The following WASF2 variants were observed in gnomAD, a reference collection of about 807,000 sequenced individuals.
WASF2 encodes actin-binding protein WASF2.
A neutral mutation model predicts 45.0 loss-of-function variants in WASF2; 14 were observed. That is an observed-to-expected ratio of 0.31 (90% confidence interval 0.21 to 0.49). The LOEUF is 0.49. Among genes scored for constraint, WASF2 ranks in the 20% least tolerant of loss-of-function variants. WASF2 has a pLI of 0.99. For missense variants in WASF2, 439 were observed against 636.1 expected, an observed-to-expected ratio of 0.69 and a Z score of 3.33; for synonymous variants, 200 against 236.3, an observed-to-expected ratio of 0.85 and a Z score of 1.41.
chr1:27,479,503 T>C (rs1442455919), intron 1 of WASF2, among the ~76,000 whole-genome samples: 1 of 152,228 alleles, frequency 6.6e-6, no homozygotes, highest in Non-Finnish European at 1.5e-5. Context: ...TTTCAAATGT[T>C]CCATTATTTA....
chr1:27,484,352 C>A (rs2017894593), intron 1 of WASF2, among the ~76,000 whole-genome samples: 1 of 152,098 alleles, frequency 6.6e-6, no homozygotes, highest in African/African-American at 2.4e-5. Flanking sequence ...GGCTGGTAAA[C>A]AGAAGTTTCT....
intron 1 of WASF2, among the ~76,000 whole-genome samples, chr1:27,485,513 T>C (rs1255635475): frequency 6.6e-6 from 1 of 152,046 alleles, no homozygotes; most frequent in Non-Finnish European, 1.5e-5. Flanking sequence ...TTTCAGAGAC[T>C]AGTGAAGATA....
chr1:27,441,042 A>G (rs2017219137), intron 1 of WASF2, among the ~76,000 whole-genome samples: 1 of 151,636 alleles, frequency 6.6e-6, no homozygotes, highest in Non-Finnish European at 1.5e-5. Flanking sequence ...AATTTTTTGT[A>G]TTTTTGGTAG....
At chr1:27,477,767 C>T (rs1436435362) in intron 1 of WASF2, among the ~76,000 whole-genome samples, 1 of 127,370 alleles carries the variant, frequency 7.9e-6, no homozygotes, top group Non-Finnish European at 1.6e-5. Context: ...GGCGTAGTGG[C>T]GGGCGCCTGT....
At chr1:27,483,144 G>C (rs2017875127) in intron 1 of WASF2, among the ~76,000 whole-genome samples, 1 of 152,156 alleles carries the variant, frequency 6.6e-6, no homozygotes, top group Admixed American at 6.6e-5. Context: ...AGATCAGCCT[G>C]GCCAACATGG....
intron 1 of WASF2, among the ~76,000 whole-genome samples, chr1:27,433,099 T>C (rs1193219731): frequency 2.0e-5 from 3 of 152,186 alleles, no homozygotes; most frequent in Non-Finnish European, 4.4e-5. Flanking sequence ...CTTTTAACCA[T>C]AGACATATTA....
intron 1 of WASF2, among the ~76,000 whole-genome samples, chr1:27,438,286 G>T (rs1489854764): frequency 6.6e-6 from 1 of 152,180 alleles, no homozygotes; most frequent in Non-Finnish European, 1.5e-5. Flanking sequence ...GCAGCACTGA[G>T]TACTGTACTA....
At chr1:27,443,542 G>A (rs1413039876) in intron 1 of WASF2, among the ~76,000 whole-genome samples, 1 of 151,442 alleles carries the variant, frequency 6.6e-6, no homozygotes, top group Non-Finnish European at 1.5e-5. Context: ...GAACCCAGGA[G>A]GCGGAGGTTG....
intron 2 of WASF2, among the ~76,000 whole-genome samples, chr1:27,422,245 G>C (rs906834354): frequency 5.9e-5 from 9 of 152,102 alleles, no homozygotes; most frequent in African/African-American, 2.2e-4. Context: ...TGGTGTGAAG[G>C]CTTCCCCACT....
At chr1:27,477,298 G>A (rs1217680584) in intron 1 of WASF2, among the ~76,000 whole-genome samples, 2 of 152,126 alleles carry the variant, frequency 1.3e-5, no homozygotes, top group Admixed American at 6.6e-5. Flanking sequence ...CCAGCACTTT[G>A]GGAGGCTGAT....
At chr1:27,415,871 C>T in intron 5 of WASF2, 114 bp downstream of exon 5, 1 of 829,280 alleles carries the variant, frequency 1.2e-6, no homozygotes, top group Admixed American at 2.2e-5. Context: ...TTTCACCTGG[C>T]ATCCAAGCAA....
chr1:27,410,344 T>A lies in WASF2; in HGVS notation c.825-138A>T. On this transcript the variant is annotated intron_variant, in intron 7 of 8. Transcript: ENST00000618852. The surrounding 1 kb of genome is among the most constrained non-coding windows in gnomAD (Gnocchi z 4.2). ...TTTCACTTAAACAGAAAGAAAAGCC[T>A]ACAGATGGTCATAACAGACCAATAA... is the stretch of plus-strand genomic sequence containing the variant. 1.4e-6 allele frequency: 2 copies of A among 1,446,972 alleles called. No individual in the cohort carries two copies. Among genetic ancestry groups the A allele is most frequent in the Non-Finnish European group, 1.8e-6 (2 of 1,094,778 alleles). 89.6% of individuals were successfully genotyped at this position (1,446,972 alleles called of 1,614,324 possible).
intron 4 of WASF2, among the ~76,000 whole-genome samples, chr1:27,416,895 G>GA (rs1484544537): frequency 6.6e-6 from 1 of 152,242 alleles, no homozygotes; most frequent in African/African-American, 2.4e-5. Flanking sequence ...TCACTATCCA[G>GA]AAAGGATGTG....
At chr1:27,482,115 T>C (rs1267030060) in intron 1 of WASF2, among the ~76,000 whole-genome samples, 3 of 152,206 alleles carry the variant, frequency 2.0e-5, no homozygotes, top group Non-Finnish European at 4.4e-5. Context: ...TAAAGTACCA[T>C]TCATAACTTC....
chr1:27,414,538 A>G lies in WASF2; in HGVS notation c.668+295T>C, dbSNP rs1237342338. Reference sequence around the variant, plus strand: ...CAAGACCACTTTTCTTCCCTTTCCAATCTTTCCTCTGGGGCCCTTAGATGT... The same window carrying G: ...CAAGACCACTTTTCTTCCCTTTCCAGTCTTTCCTCTGGGGCCCTTAGATGT... On this transcript the variant is annotated intron_variant, in intron 6 of 8. Transcript: ENST00000618852. The surrounding 1 kb of genome is among the most constrained non-coding windows in gnomAD (Gnocchi z 4.1). Among the ~76,000 whole-genome samples, 2 of 151,978 alleles carry G rather than the reference A, an allele frequency of 1.3e-5. No individual in the cohort carries two copies. Among genetic ancestry groups the G allele is most frequent in the Non-Finnish European group, 2.9e-5 (2 of 67,984 alleles).
intron 2 of WASF2, among the ~76,000 whole-genome samples, chr1:27,428,440 T>C (rs1335271414): frequency 4.6e-5 from 7 of 152,214 alleles, no homozygotes; most frequent in Admixed American, 1.3e-4. Flanking sequence ...CCTCCCACTT[T>C]ACACACACAG....
At chr1:27,422,542 C>A (rs1333715712) in intron 2 of WASF2, among the ~76,000 whole-genome samples, 1 of 150,396 alleles carries the variant, frequency 6.6e-6, no homozygotes, top group African/African-American at 2.5e-5. Flanking sequence ...TTGCATGAAC[C>A]CAGGAGGCGG....
intron 1 of WASF2, among the ~76,000 whole-genome samples, chr1:27,482,450 G>T (rs1294301815): frequency 6.6e-6 from 1 of 152,120 alleles, no homozygotes; most frequent in Admixed American, 6.6e-5. Flanking sequence ...GACAAGTTCT[G>T]GCAAGTTCTT....
chr1:27,457,907 G>A (rs1404297787), intron 1 of WASF2, among the ~76,000 whole-genome samples: 1 of 152,082 alleles, frequency 6.6e-6, no homozygotes, highest in Non-Finnish European at 1.5e-5. Flanking sequence ...ACAGGCATAA[G>A]CCACCACACC....
Sources: allele counts gnomAD v4.1 joint callset (sites outside exome capture counted in the v4.1 genomes callset), GRCh38; gene constraint gnomAD v4.1.1; non-coding constraint Gnocchi (gnomAD v3.1); transcripts MANE v1.5; gene names NCBI Gene and HGNC (gene_info 2026-07-23, HGNC 2026-07-21).